Variants in IQSEC3 observed in about 807,000 individuals in gnomAD.
The protein encoded by IQSEC3 is IQ motif and Sec7 domain ArfGEF 3.
A neutral mutation model predicts 105.4 loss-of-function variants in IQSEC3; 50 were observed. The ratio of observed to expected loss-of-function variants is 0.47; its 90% CI spans 0.38 to 0.60. The LOEUF is 0.60. IQSEC3 is among the 20% of genes least tolerant of loss of function. The pLI, the probability that IQSEC3 is intolerant of heterozygous loss-of-function variation, is 0.00. For missense variants in IQSEC3, 1,415 were observed against 1,630.0 expected (o/e 0.87, Z 2.27); for synonymous variants, 708 against 746.0 (o/e 0.95, Z 0.83).
intron 2 of IQSEC3, among the ~76,000 whole-genome samples, chr12:119,781 G>A (rs964236684): frequency 6.6e-6 from 1 of 152,200 alleles, no homozygotes. Flanking sequence ...ATTGGTGCCT[G>A]CGTGTGGACA....
intron 1 of IQSEC3, among the ~76,000 whole-genome samples, chr12:82,109 G>A (rs963792104): frequency 1.3e-5 from 2 of 152,196 alleles, no homozygotes; most frequent in Admixed American, 6.5e-5. Context: ...TTTAGACAAA[G>A]CCATTGGAAC....
intron 1 of IQSEC3, among the ~76,000 whole-genome samples, chr12:87,953 C>T (rs868953575): frequency 3.3e-5 from 5 of 152,310 alleles, no homozygotes; most frequent in Middle Eastern, 3.4e-3. Flanking sequence ...TAGGATTCCT[C>T]AGGAAGGATT....
rs371229225 is a variant in IQSEC3, at chr12:174,852, C to T, written c.3368C>T (p.Ser1123Leu). 6.3e-6 allele frequency: 10 copies of T among 1,579,538 alleles called. No homozygotes were observed. In the African/African-American group the frequency reaches 9.4e-5, roughly 15 times the overall value. The change falls in exon 14 of 14, where the codon TCG becomes TTG. Residue 1123 changes from serine to leucine, a missense_variant. Around this residue, in one of 6 missense-constraint regions of IQSEC3, gnomAD observed 419 missense variants for 436.2 expected, o/e 0.96. Transcript: ENST00000538872. ...LLSQALSCYT[S>L]SSSDSCGSTP... ...AGCCAGGCTCTCTCCTGCTACACCT[C>T]GTCGTCCTCTGACTCCTGCGGCTCC...
intron 2 of IQSEC3, among the ~76,000 whole-genome samples, chr12:102,153 G>C (rs1864444806): frequency 7.6e-6 from 1 of 130,914 alleles, no homozygotes; most frequent in African/African-American, 3.0e-5. Context: ...TCCCCCATCA[G>C]TCTGGCTCCT....
intron 2 of IQSEC3, among the ~76,000 whole-genome samples, chr12:102,192 G>C (rs1294390778): frequency 6.7e-6 from 1 of 148,942 alleles, no homozygotes; most frequent in Non-Finnish European, 1.5e-5. Context: ...TCCCCCGTCA[G>C]TCTGGCTCCT....
At chr12:133,192 T>C (rs782598969) in intron 3 of IQSEC3, among the ~76,000 whole-genome samples, 1 of 152,218 alleles carries the variant, frequency 6.6e-6, no homozygotes, top group Non-Finnish European at 1.5e-5. Flanking sequence ...CACAGCTCCC[T>C]TCTTAATTCA....
intron 3 of IQSEC3, among the ~76,000 whole-genome samples, chr12:135,307 T>G (rs1555086064): frequency 3.9e-5 from 6 of 152,214 alleles, no homozygotes. Context: ...ATTCCAGGCC[T>G]CAGGGAATGT....
At position 78,710 on chromosome 12, in the gene IQSEC3, C is replaced by G. The variant is rs1474355514; in HGVS notation, c.554+11274C>G. 4.6e-5 allele frequency among the ~76,000 whole-genome samples: 7 copies of G among 152,230 alleles called. No homozygotes were observed. The East Asian group carries it at 1.4e-3, about 29-fold the overall frequency. ...CTGTGTGATCTCAAGCAATGAGAGC[C>G]TCGCGTTTCCCGTTCGTAAAATAAG... is the stretch of plus-strand genomic sequence containing the variant. On this transcript the variant is annotated intron_variant, in intron 1 of 13. Transcript: ENST00000538872.
In IQSEC3 at chr12:118,997, C is replaced by T. The variant is rs1303225077; in HGVS notation, c.624-6636C>T. Among the ~76,000 whole-genome samples the T allele has an allele frequency of 2.0e-5, 3 of 152,228 alleles. 1 individual carries two copies. In the South Asian group the frequency reaches 6.2e-4, roughly 31 times the overall value. On this transcript the variant is annotated intron_variant, in intron 2 of 13. Coordinates refer to ENST00000538872, the MANE Select transcript of IQSEC3 (RefSeq NM_001170738.2). ...ATTCCTGGGTGGAAAGTTGTACTTC[C>T]CACCGTGGTGGATATGCTAACCTAT...
chr12:79,866 A>G (rs574277701), intron 1 of IQSEC3, among the ~76,000 whole-genome samples: 2 of 152,124 alleles, frequency 1.3e-5, no homozygotes, highest in East Asian at 1.9e-4. Flanking sequence ...CTTTCCAGCT[A>G]TATGTACATT....
intron 3 of IQSEC3, among the ~76,000 whole-genome samples, chr12:132,607 G>T (rs1362663662): frequency 6.6e-6 from 1 of 152,070 alleles, no homozygotes; most frequent in African/African-American, 2.4e-5. Context: ...TAGGGGTGGG[G>T]GGTCCCAGGA....
At position 138,773 on chromosome 12, in the gene IQSEC3, C is replaced by G; in HGVS notation, c.1410C>G (p.Thr470=). ...GGCCCGGGGATGACGCCGCGGAGAC[C>G]CCCGGCCTGCCCCCGGCCCACAGCG... ...GPGPGDDAAE[T]PGLPPAHSGT... Residue 470 remains threonine, a synonymous_variant, in exon 4 of 14, where the codon ACC becomes ACG. Transcript: ENST00000538872. This position sits in a 1 kb window ranked among gnomAD's most constrained non-coding sequence, Gnocchi z 7.1. 2 of 1,594,216 alleles carry G rather than the reference C, an allele frequency of 1.3e-6. No homozygotes were observed. The highest frequency in any genetic ancestry group is 1.7e-6 in the Non-Finnish European group (2 of 1,174,258).
chr12:80,837 G>GGGGA (rs1863720408), intron 1 of IQSEC3, among the ~76,000 whole-genome samples: 2 of 152,204 alleles, frequency 1.3e-5, no homozygotes, highest in African/African-American at 4.8e-5. Context: ...TCCTGGAGGA[G>GGGGA]GGGAGGGAGG....
intron 11 of IQSEC3, 128 bp downstream of exon 11, chr12:166,018 C>G: frequency 1.0e-6 from 1 of 966,542 alleles, no homozygotes. Flanking sequence ...TGTCCAGGCC[C>G]CACCGCACCA....
intron 5 of IQSEC3, 101 bp downstream of exon 5, chr12:141,386 ACAGCTTC>A: frequency 7.8e-7 from 1 of 1,278,976 alleles, no homozygotes. Context: ...TCCAGTTCTA[ACAGCTTC>A]CAGCTTCCAG....
At chr12:93,430 C>T (rs1555074013) in intron 1 of IQSEC3, among the ~76,000 whole-genome samples, 2 of 152,160 alleles carry the variant, frequency 1.3e-5, no homozygotes, top group Non-Finnish European at 2.9e-5. Context: ...CCCCTGCTCA[C>T]CTTGCCAGCC....
chr12:165,289 T>A, intron 9 of IQSEC3, 145 bp from the exon 10 acceptor site: 1 of 676,256 alleles, frequency 1.5e-6, no homozygotes, highest in Non-Finnish European at 2.7e-6. Flanking sequence ...GGATAGTGTG[T>A]GCACATATAT....
At chr12:96,209 A>G (rs1409947677) in intron 1 of IQSEC3, among the ~76,000 whole-genome samples, 1 of 152,202 alleles carries the variant, frequency 6.6e-6, no homozygotes, top group Non-Finnish European at 1.5e-5. Flanking sequence ...GGTGGATTCA[A>G]AGATTTTCTG....
intron 12 of IQSEC3, among the ~76,000 whole-genome samples, 200 bp downstream of exon 12, chr12:169,305 C>T (rs539036691): frequency 1.3e-5 from 2 of 152,322 alleles, no homozygotes; most frequent in South Asian, 4.1e-4. Flanking sequence ...AGAAATGTGT[C>T]TGTCCATTTT....
Sources: gnomAD v4.1 joint callset for allele counts (sites outside exome capture counted in the v4.1 genomes callset) on GRCh38, gnomAD v4.1.1 for gene constraint, gnomAD v4.1.1 regional missense constraint, Gnocchi (gnomAD v3.1) non-coding constraint, MANE v1.5 for transcripts, NCBI Gene and HGNC (gene_info 2026-07-23, HGNC 2026-07-21) for gene names.